PARM1: variants seen among roughly 807,000 people sequenced by gnomAD.
The protein encoded by PARM1 is WSC4, cell wall integrity and stress response component 4 homolog.
Under a neutral mutation model 24.6 loss-of-function variants are expected in PARM1, and 14 were observed. The observed-to-expected ratio is 0.57, with a 90% CI of 0.38 to 0.89. The LOEUF (loss-of-function observed/expected upper bound fraction) is 0.89, where lower values mean the gene tolerates loss of function less well. Among genes scored for constraint, PARM1 ranks in the 40% least tolerant of loss-of-function variants. PARM1 has a pLI of 0.00. For synonymous variants in PARM1, 179 were observed against 156.6 expected, an observed-to-expected ratio of 1.14 and a Z score of -1.07; for missense variants, 362 against 380.4, an observed-to-expected ratio of 0.95 and a Z score of 0.40.
chr4:74,966,320 C>T (rs977191136), intron 1 of PARM1, among the ~76,000 whole-genome samples: 13 of 152,018 alleles, frequency 8.6e-5, no homozygotes, highest in South Asian at 2.1e-4. Context: ...GAGGGGAGAG[C>T]GATCAGGCTC....
At chr4:74,999,889 C>G (rs1289296694) in intron 1 of PARM1, among the ~76,000 whole-genome samples, 1 of 152,156 alleles carries the variant, frequency 6.6e-6, no homozygotes, top group East Asian at 1.9e-4. Context: ...ATTTTGAAAA[C>G]TGCCCCAGAA....
chr4:74,999,960 C>CT (rs1038393086), intron 1 of PARM1, among the ~76,000 whole-genome samples: 9 of 151,318 alleles, frequency 5.9e-5, no homozygotes, highest in Admixed American at 4.6e-4. Context: ...GGGTTTTTGT[C>CT]TTTTTTTTTC....
At chr4:75,013,393 A>G (rs1486179417) in intron 2 of PARM1, among the ~76,000 whole-genome samples, 2 of 152,254 alleles carry the variant, frequency 1.3e-5, no homozygotes, top group Admixed American at 6.5e-5. Context: ...GCTACAGGGA[A>G]TGTAAGCACA....
chr4:74,959,100 C>T (rs1013873758), intron 1 of PARM1, among the ~76,000 whole-genome samples: 1 of 152,114 alleles, frequency 6.6e-6, no homozygotes, highest in Non-Finnish European at 1.5e-5. Flanking sequence ...CGAAATATGG[C>T]TAGTGCAATT....
In PARM1 at chr4:74,990,793, C is replaced by T. The variant is rs533450984; in HGVS notation, c.44-21632C>T. 1.6e-4 allele frequency among the ~76,000 whole-genome samples: 25 copies of T among 152,128 alleles called. No individual in the cohort carries two copies. The East Asian group carries it at 1.9e-3, about 12-fold the overall frequency. ...TTCACCTTTAAAACACTGTATTTGG[C>T]GCATAAATGCCAGTTGGAGGCCCTC... On this transcript the variant is annotated intron_variant, in intron 1 of 3. Transcript: ENST00000307428.
At chr4:74,991,111 AGAAGCACTTTTTCTT>A (rs1168552315) in intron 1 of PARM1, among the ~76,000 whole-genome samples, 1 of 152,190 alleles carries the variant, frequency 6.6e-6, no homozygotes, top group Non-Finnish European at 1.5e-5. Flanking sequence ...TCCGCCCTGC[AGAAGCACTTTTTCTT>A]GAGCATAAAG....
chr4:75,004,122 A>G (rs1294046119), intron 1 of PARM1, among the ~76,000 whole-genome samples: 1 of 152,222 alleles, frequency 6.6e-6, no homozygotes, highest in African/African-American at 2.4e-5. Context: ...ATTTTCATGG[A>G]GCTTGCAGAC....
At chr4:75,039,805 T>C (rs1402925724) in intron 3 of PARM1, among the ~76,000 whole-genome samples, 1 of 152,236 alleles carries the variant, frequency 6.6e-6, no homozygotes, top group Non-Finnish European at 1.5e-5. Context: ...TTCAGATATG[T>C]TGCCCTGTTT....
At chr4:75,019,644 T>A (rs950507874) in intron 2 of PARM1, among the ~76,000 whole-genome samples, 14 of 152,220 alleles carry the variant, frequency 9.2e-5, no homozygotes, top group Non-Finnish European at 8.8e-5. Context: ...AAGACACCCA[T>A]AAACCTTAGA....
chr4:74,942,755 G>T (rs1012232042), intron 1 of PARM1, among the ~76,000 whole-genome samples: 1 of 152,136 alleles, frequency 6.6e-6, no homozygotes. Flanking sequence ...CCTCCTCTCA[G>T]ATCTACTTGC....
At chr4:75,026,411 A>G (rs913736862) in intron 2 of PARM1, among the ~76,000 whole-genome samples, 2 of 152,232 alleles carry the variant, frequency 1.3e-5, no homozygotes, top group African/African-American at 4.8e-5. Context: ...ACAGCTACAT[A>G]TGGCAGTATC....
At chr4:75,029,568 T>G (rs1317979981) in intron 2 of PARM1, among the ~76,000 whole-genome samples, 1 of 152,184 alleles carries the variant, frequency 6.6e-6, no homozygotes, top group East Asian at 1.9e-4. Flanking sequence ...TTGTGAGGCC[T>G]CCCCAGCCAT....
At chr4:74,995,824 T>A (rs969461030) in intron 1 of PARM1, among the ~76,000 whole-genome samples, 1 of 152,150 alleles carries the variant, frequency 6.6e-6, no homozygotes, top group Non-Finnish European at 1.5e-5. Context: ...ACCAGAGCGA[T>A]CTTCCAAAAG....
intron 1 of PARM1, among the ~76,000 whole-genome samples, chr4:74,940,618 T>C (rs1721286264): frequency 6.6e-6 from 1 of 152,156 alleles, no homozygotes; most frequent in Non-Finnish European, 1.5e-5. Context: ...AACATATGAA[T>C]TTTTTTCAGA....
At chr4:75,009,163 T>G (rs1227415062) in intron 1 of PARM1, among the ~76,000 whole-genome samples, 1 of 151,974 alleles carries the variant, frequency 6.6e-6, no homozygotes, top group African/African-American at 2.4e-5. Flanking sequence ...AGTTGGGAGG[T>G]CTGTCCTCCT....
At chr4:74,941,177 TA>T (rs1287664444) in intron 1 of PARM1, among the ~76,000 whole-genome samples, 6 of 152,208 alleles carry the variant, frequency 3.9e-5, no homozygotes, top group Non-Finnish European at 7.3e-5. Context: ...TGTTTTATCT[TA>T]AAAATTACAA....
chr4:74,958,408 G>T (rs1388734911), intron 1 of PARM1, among the ~76,000 whole-genome samples: 2 of 152,156 alleles, frequency 1.3e-5, no homozygotes, highest in African/African-American at 4.8e-5. Context: ...GAGTATAGCA[G>T]AAACCCAAAG....
intron 2 of PARM1, 127 bp from the exon 3 acceptor site, chr4:75,033,756 G>A: frequency 3.3e-6 from 2 of 604,384 alleles, no homozygotes; most frequent in Non-Finnish European, 5.6e-6. Flanking sequence ...AGAATGATCT[G>A]AAGTAGCTTT....
chr4:75,029,835 G>A (rs369102880), intron 2 of PARM1, among the ~76,000 whole-genome samples: 3 of 151,676 alleles, frequency 2.0e-5, no homozygotes, highest in African/African-American at 4.8e-5. Flanking sequence ...AATAGGTGGT[G>A]AGTCAGCTGT....
Sources: gnomAD v4.1 joint callset for allele counts (sites outside exome capture counted in the v4.1 genomes callset) on GRCh38, gnomAD v4.1.1 for gene constraint, MANE v1.5 for transcripts, NCBI Gene and HGNC (gene_info 2026-07-23, HGNC 2026-07-21) for gene names.